GPC6: variants seen among roughly 807,000 people sequenced by gnomAD.
GPC6 encodes glypican 6.
GPC6 carries 14 observed loss-of-function variants against 55.2 expected under a neutral mutation model. That is an observed-to-expected ratio of 0.25 (90% CI 0.17 to 0.40). GPC6 has a LOEUF of 0.40. Ranked by LOEUF, GPC6 falls within the 10% of genes least tolerant of loss-of-function variation. The pLI is 1.00. For missense variants in GPC6, 641 were observed against 708.5 expected (o/e 0.90, Z 1.08); for synonymous variants, 278 against 259.6 (o/e 1.07, Z -0.68).
At chr13:93,697,850 C>T (rs1200777271) in intron 2 of GPC6, among the ~76,000 whole-genome samples, 1 of 152,100 alleles carries the variant, frequency 6.6e-6, no homozygotes, top group Non-Finnish European at 1.5e-5. Flanking sequence ...TCTTATAATC[C>T]ATCAACTGTT....
At chr13:93,518,788 C>T (rs900901245) in intron 1 of GPC6, among the ~76,000 whole-genome samples, 2 of 151,926 alleles carry the variant, frequency 1.3e-5, no homozygotes, top group African/African-American at 4.8e-5. Context: ...CACTTTGTTT[C>T]CCAAGTAGCA....
intron 3 of GPC6, among the ~76,000 whole-genome samples, chr13:94,025,006 G>T (rs138721085): frequency 2.6e-5 from 4 of 152,256 alleles, no homozygotes; most frequent in South Asian, 4.1e-4. Flanking sequence ...TATAAAATGC[G>T]TAGCAGTGAA....
intron 3 of GPC6, among the ~76,000 whole-genome samples, chr13:93,839,701 T>C (rs1396034466): frequency 6.6e-6 from 1 of 152,076 alleles, no homozygotes; most frequent in Non-Finnish European, 1.5e-5. Context: ...TATTGTCCCG[T>C]CTTCAGAGAT....
chr13:93,542,568 T>C (rs913618724), intron 1 of GPC6, among the ~76,000 whole-genome samples: 1 of 152,200 alleles, frequency 6.6e-6, no homozygotes, highest in Non-Finnish European at 1.5e-5. Flanking sequence ...AAGAAAGTCA[T>C]TGGTAGCTTG....
At chr13:93,520,196 C>T (rs117624506) in intron 1 of GPC6, among the ~76,000 whole-genome samples, 1 of 152,064 alleles carries the variant, frequency 6.6e-6, no homozygotes, top group Non-Finnish European at 1.5e-5. Flanking sequence ...ATACCACCAA[C>T]TTGGAAAGTG....
At chr13:93,734,019 GT>G (rs1566509030) in intron 2 of GPC6, among the ~76,000 whole-genome samples, 1 of 152,082 alleles carries the variant, frequency 6.6e-6, no homozygotes, top group Non-Finnish European at 1.5e-5. Context: ...CAACATTAAG[GT>G]TTAGCCACCT....
chr13:94,005,399 C>T (rs1881976130), intron 3 of GPC6, among the ~76,000 whole-genome samples: 1 of 152,134 alleles, frequency 6.6e-6, no homozygotes, highest in African/African-American at 2.4e-5. Context: ...GAAATCCAGA[C>T]ATTTCTTGAA....
At chr13:94,169,680 C>T (rs539390041) in intron 4 of GPC6, among the ~76,000 whole-genome samples, 1 of 151,932 alleles carries the variant, frequency 6.6e-6, no homozygotes, top group Non-Finnish European at 1.5e-5. Flanking sequence ...CCTTTGTATC[C>T]CTTGCGGGAT....
intron 4 of GPC6, among the ~76,000 whole-genome samples, chr13:94,199,207 TTATCTTTCCTTCACGACAG>T (rs1198524451): frequency 6.6e-6 from 1 of 152,254 alleles, no homozygotes; most frequent in African/African-American, 2.4e-5. Flanking sequence ...AAAATCTGCC[TTATCTTTCCTTCACGACAG>T]AGAGAAAAGA....
At chr13:93,520,821 T>TAGACAAACTATAC (rs1881388307) in intron 1 of GPC6, among the ~76,000 whole-genome samples, 1 of 151,640 alleles carries the variant, frequency 6.6e-6, no homozygotes, top group South Asian at 2.1e-4. Flanking sequence ...AACTATACTA[T>TAGACAAACTATAC]AGACAAACTA....
intron 1 of GPC6, among the ~76,000 whole-genome samples, chr13:93,543,059 A>G (rs1244785805): frequency 1.3e-5 from 2 of 152,058 alleles, no homozygotes; most frequent in East Asian, 3.9e-4. Flanking sequence ...TTCCGACACT[A>G]TGTTGAATAG....
chr13:93,800,800 C>T (rs2138936965), intron 2 of GPC6, among the ~76,000 whole-genome samples: 1 of 152,244 alleles, frequency 6.6e-6, no homozygotes, highest in Non-Finnish European at 1.5e-5. Flanking sequence ...TGAACATCAA[C>T]CTAGAAAATT....
chr13:93,244,791 C>A (rs1042831758), intron 1 of GPC6, among the ~76,000 whole-genome samples: 23 of 151,444 alleles, frequency 1.5e-4, no homozygotes, highest in African/African-American at 5.4e-4. Context: ...TTCACAGTAT[C>A]CAAAGTTTCT....
rs748358419 is a variant in GPC6 at position 94,366,732 on chromosome 13, A to G, written c.1153-15682A>G. Among the ~76,000 whole-genome samples, 111 of 152,342 alleles carry G rather than the reference A, an allele frequency of 7.3e-4. 3 individuals are homozygous for G. Among genetic ancestry groups the G allele is most frequent in the Non-Finnish European group, 1.6e-3 (106 of 68,022 alleles). On this transcript the variant is annotated intron_variant, in intron 6 of 8. Transcript: ENST00000377047. ...ATACAGCAAAAATAATGCCTGAGAA[A>G]AGATAGAGGCCGAAGTTAGCCACCA...
intron 1 of GPC6, among the ~76,000 whole-genome samples, chr13:93,283,606 CA>C (rs1250417226): frequency 6.6e-6 from 1 of 152,104 alleles, no homozygotes; most frequent in African/African-American, 2.4e-5. Flanking sequence ...ACCCAAAAGC[CA>C]AAAGGGACAG....
intron 2 of GPC6, among the ~76,000 whole-genome samples, chr13:93,640,575 A>C (rs1879870096): frequency 6.6e-6 from 1 of 152,048 alleles, no homozygotes; most frequent in African/African-American, 2.4e-5. Flanking sequence ...AGCTTGTAGG[A>C]ACTCTCTATC....
At chr13:94,084,354 G>A (rs1885209761) in intron 4 of GPC6, among the ~76,000 whole-genome samples, 3 of 152,066 alleles carry the variant, frequency 2.0e-5, no homozygotes, top group Non-Finnish European at 4.4e-5. Flanking sequence ...TCAGTTCCTT[G>A]CCTAGTAATG....
intron 6 of GPC6, among the ~76,000 whole-genome samples, chr13:94,309,416 C>G (rs1380241024): frequency 6.6e-6 from 1 of 151,872 alleles, no homozygotes; most frequent in Non-Finnish European, 1.5e-5. Flanking sequence ...AATAAAACTA[C>G]CAACCCCAAG....
intron 1 of GPC6, among the ~76,000 whole-genome samples, chr13:93,309,766 A>G (rs1190892733): frequency 2.0e-5 from 3 of 152,220 alleles, no homozygotes; most frequent in African/African-American, 7.2e-5. Flanking sequence ...GATATAATGT[A>G]CGTAGTAATG....
Sources: gnomAD v4.1 joint callset for allele counts (sites outside exome capture counted in the v4.1 genomes callset) on GRCh38, gnomAD v4.1.1 for gene constraint, MANE v1.5 for transcripts, NCBI Gene and HGNC (gene_info 2026-07-23, HGNC 2026-07-21) for gene names.